EPS15: variants seen among roughly 807,000 people sequenced by gnomAD.
EPS15 encodes epidermal growth factor receptor pathway substrate 15, also known as epidermal growth factor receptor substrate 15.
In EPS15, 72 loss-of-function variants were observed where a neutral mutation model predicts 113.8. The ratio of observed to expected loss-of-function variants is 0.63; its 90% CI spans 0.52 to 0.77. The LOEUF (loss-of-function observed/expected upper bound fraction) is 0.77. Ranked by LOEUF, EPS15 falls within the 30% of genes least tolerant of loss-of-function variation. EPS15 has a pLI of 0.00. For synonymous variants in EPS15, 344 were observed against 363.4 expected (o/e 0.95, Z 0.61); for missense variants, 1,048 against 1,045.8 (o/e 1.00, Z -0.03).
At chr1:51,407,733 T>G (rs539786849) in intron 15 of EPS15, among the ~76,000 whole-genome samples, 1 of 152,366 alleles carries the variant, frequency 6.6e-6, no homozygotes, top group African/African-American at 2.4e-5. Flanking sequence ...GGAGCATTTA[T>G]GTACCAAGCA....
Position 51,399,704 on chromosome 1 carries a change from C to A in EPS15, c.1919-539G>T, listed in dbSNP as rs551109567. 1.8e-3 allele frequency among the ~76,000 whole-genome samples: 270 copies of A among 151,984 alleles called. 4 individuals are homozygous for A. In the South Asian group the frequency reaches 0.028, roughly 16 times the overall value. On this transcript the variant is annotated intron_variant, in intron 19 of 24. Transcript: ENST00000371733. ...TGAAACCCTGTCTCTACTAAAAATA[C>A]AAAAATTAGCCAGGCGTGGTGGTGC...
chr1:51,412,215 G>A (rs1649789936), intron 13 of EPS15, among the ~76,000 whole-genome samples: 1 of 152,122 alleles, frequency 6.6e-6, no homozygotes, highest in Admixed American at 6.6e-5. Flanking sequence ...TCGGGAGGTG[G>A]GGGACAAGGG....
chr1:51,455,458 C>A (rs1471658191), intron 8 of EPS15, among the ~76,000 whole-genome samples: 1 of 151,922 alleles, frequency 6.6e-6, no homozygotes, highest in African/African-American at 2.4e-5. Context: ...GGCGTGGTGG[C>A]GGGCACCTGT....
chr1:51,509,237 G>A (rs1644576582), intron 1 of EPS15, among the ~76,000 whole-genome samples: 2 of 147,904 alleles, frequency 1.4e-5, no homozygotes, highest in Admixed American at 1.3e-4. Flanking sequence ...CACCTTTAAT[G>A]CATATAATTT....
At chr1:51,481,982 C>T (rs1487139751) in intron 1 of EPS15, among the ~76,000 whole-genome samples, 3 of 152,146 alleles carry the variant, frequency 2.0e-5, no homozygotes, top group African/African-American at 7.2e-5. Context: ...CCAGCCTGGG[C>T]ATCACAGTGA....
chr1:51,484,673 T>C (rs1037989707), intron 1 of EPS15, among the ~76,000 whole-genome samples: 18 of 152,210 alleles, frequency 1.2e-4, no homozygotes, highest in African/African-American at 3.9e-4. Context: ...GGGGAGTGCA[T>C]AGACTTACTG....
At chr1:51,508,500 C>A (rs1425335205) in intron 1 of EPS15, among the ~76,000 whole-genome samples, 3 of 152,030 alleles carry the variant, frequency 2.0e-5, no homozygotes, top group Non-Finnish European at 2.9e-5. Context: ...CATACATAAG[C>A]AAATGAAAGG....
chr1:51,432,346 G>A (rs539838707), intron 12 of EPS15, among the ~76,000 whole-genome samples: 2 of 143,982 alleles, frequency 1.4e-5, no homozygotes, highest in African/African-American at 2.7e-5. Context: ...ATGTATGTAT[G>A]TATATATTTA....
At chr1:51,473,635 T>C (rs1655400693) in intron 2 of EPS15, among the ~76,000 whole-genome samples, 1 of 152,126 alleles carries the variant, frequency 6.6e-6, no homozygotes, top group Non-Finnish European at 1.5e-5. Context: ...AAAAGACTCA[T>C]TTTTGTAAAG....
Position 51,467,971 on chromosome 1 carries a change from T to A in EPS15, c.309+502A>T, listed in dbSNP as rs183988410. ...AAAATAAGTATTTATATATATATAT[T>A]TTTTTAAGACAGGGTCTTAAACCAT... On this transcript the variant is annotated intron_variant, in intron 5 of 24. Transcript: ENST00000371733. Among the ~76,000 whole-genome samples, 442 of 151,936 alleles carry A rather than the reference T, an allele frequency of 2.9e-3. 5 individuals are homozygous for A. Among genetic ancestry groups the A allele is most frequent in the African/African-American group, 0.01 (418 of 41,464 alleles).
intron 1 of EPS15, among the ~76,000 whole-genome samples, chr1:51,509,528 A>G (rs1176338130): frequency 6.6e-6 from 1 of 152,208 alleles, no homozygotes; most frequent in East Asian, 1.9e-4. Context: ...GGTTTTAGTC[A>G]ATAAAAGTCT....
Position 51,486,715 on chromosome 1 carries a change from G to A in EPS15, c.34-5401C>T, listed in dbSNP as rs1285556301. Among the ~76,000 whole-genome samples the A allele has an allele frequency of 2.6e-5, 4 of 151,708 alleles. 1 individual carries two copies. Among genetic ancestry groups the A allele is most frequent in the African/African-American group, 9.7e-5 (4 of 41,282 alleles). ...TTTTTTGAGACAGAGTTTTGCTCTT[G>A]TTACCCAGGCTGGAGTACAGTGGCA... On this transcript the variant is annotated intron_variant, in intron 1 of 24. Transcript: ENST00000371733.
intron 21 of EPS15, among the ~76,000 whole-genome samples, chr1:51,380,646 T>C (rs1220872896): frequency 2.0e-5 from 3 of 152,120 alleles, no homozygotes; most frequent in Admixed American, 6.5e-5. Flanking sequence ...CATAAAACTA[T>C]AGGACATACA....
At chr1:51,382,972 A>G (rs1379074028) in intron 21 of EPS15, among the ~76,000 whole-genome samples, 1 of 152,232 alleles carries the variant, frequency 6.6e-6, no homozygotes, top group Non-Finnish European at 1.5e-5. Context: ...TCCTTTATGA[A>G]TATTTTTGTA....
chr1:51,487,122 AACC>A (rs1644138994), intron 1 of EPS15, among the ~76,000 whole-genome samples: 1 of 152,248 alleles, frequency 6.6e-6, no homozygotes, highest in South Asian at 2.1e-4. Context: ...AGAAGTTAAC[AACC>A]ACAAGTATAA....
chr1:51,518,452 C>T, intron 1 of EPS15: 1 of 152,696 alleles, frequency 6.5e-6, no homozygotes, highest in Non-Finnish European at 1.5e-5. Context: ...CAGGCGTGAG[C>T]CCCCCGAGGG....
intron 1 of EPS15, among the ~76,000 whole-genome samples, chr1:51,490,536 G>A (rs980339444): frequency 7.6e-6 from 1 of 131,602 alleles, no homozygotes; most frequent in Admixed American, 9.0e-5. Flanking sequence ...TTGCACTCCC[G>A]CCTGGGCAAC....
intron 8 of EPS15, among the ~76,000 whole-genome samples, chr1:51,455,440 A>T (rs938830819): frequency 1.3e-5 from 2 of 152,164 alleles, no homozygotes; most frequent in Non-Finnish European, 1.5e-5. Flanking sequence ...AAATACAAAA[A>T]TTAGCCAGGC....
chr1:51,454,377 T>C (rs1337535151), intron 8 of EPS15, among the ~76,000 whole-genome samples: 1 of 149,882 alleles, frequency 6.7e-6, no homozygotes, highest in East Asian at 1.9e-4. Context: ...TTCCAGAGAA[T>C]AGAGTAGGAA....
Sources: allele counts gnomAD v4.1 joint callset (sites outside exome capture counted in the v4.1 genomes callset), GRCh38; gene constraint gnomAD v4.1.1; transcripts MANE v1.5; gene names NCBI Gene and HGNC (gene_info 2026-07-23, HGNC 2026-07-21).